Variants in PIK3C3 observed in about 807,000 individuals in gnomAD.
The protein encoded by PIK3C3 is PI3-kinase type 3.
In PIK3C3, 95 loss-of-function variants were observed where a neutral mutation model predicts 126.1. The observed-to-expected ratio is 0.75, with a 90% CI of 0.64 to 0.89. The LOEUF is 0.89. Among genes scored for constraint, PIK3C3 ranks in the 40% least tolerant of loss-of-function variants. The pLI, the probability that PIK3C3 is intolerant of heterozygous loss-of-function variation, is 0.00. For synonymous variants in PIK3C3, 374 were observed against 360.0 expected (o/e 1.04, Z -0.44); for missense variants, 829 against 1,063.2 (o/e 0.78, Z 3.06).
rs189352264 is a variant in PIK3C3, at chr18:42,081,211, A to T, written c.*74A>T. On this transcript the variant is annotated 3_prime_UTR_variant, in exon 25 of 25. Transcript: ENST00000262039. ...TAGGAGCAACCTTTGTATATTGGAG[A>T]CTTCAGAGTAACCAGCAAGGAAGAG... is the stretch of plus-strand genomic sequence containing the variant. The T allele has an allele frequency of 2.3e-4, 207 of 896,622 alleles. No individual in the cohort carries two copies. In the African/African-American group the frequency reaches 3.2e-3, roughly 14 times the overall value. 55.5% of individuals were successfully genotyped at this position (896,622 alleles called of 1,614,324 possible).
intron 24 of PIK3C3, among the ~76,000 whole-genome samples, chr18:42,068,704 A>G (rs1355240570): frequency 6.6e-6 from 1 of 152,106 alleles, no homozygotes; most frequent in African/African-American, 2.4e-5. Context: ...TAATCCCAGC[A>G]CTTTGGGAGG....
In PIK3C3 at chr18:42,082,838, T is replaced by A. The variant is rs1986297934; in HGVS notation, c.*1701T>A. On this transcript the variant is annotated 3_prime_UTR_variant, in exon 25 of 25. Coordinates refer to ENST00000262039, the MANE Select transcript of PIK3C3 (RefSeq NM_002647.4). ...CTAACTGGAAGGCAAAAGTGTATCA[T>A]CTTACTCGTCTTTATAAACTCCACA... The A allele has an allele frequency of 6.6e-6, 1 of 152,228 alleles. No homozygotes were observed. The highest frequency in any genetic ancestry group is 6.5e-5 in the Admixed American group (1 of 15,280). 9.4% of individuals were successfully genotyped at this position (152,228 alleles called of 1,614,324 possible). A position where few individuals can be genotyped will look rare whatever the true frequency, so the allele number is the denominator to read the frequency against.
At chr18:41,994,587 T>G (rs1183774351) in intron 7 of PIK3C3, among the ~76,000 whole-genome samples, 1 of 152,098 alleles carries the variant, frequency 6.6e-6, no homozygotes, top group Non-Finnish European at 1.5e-5. Context: ...CATCCAAGTA[T>G]GCATGGAAAT....
chr18:42,043,893 T>C (rs935741656), intron 20 of PIK3C3, 76 bp downstream of exon 20: 42 of 910,430 alleles, frequency 4.6e-5, no homozygotes, highest in Admixed American at 1.7e-4. Flanking sequence ...CATAATCATA[T>C]ACATTTAGAA....
At chr18:42,023,911 A>C (rs969444753) in intron 13 of PIK3C3, among the ~76,000 whole-genome samples, 2 of 152,150 alleles carry the variant, frequency 1.3e-5, no homozygotes, top group Non-Finnish European at 2.9e-5. Flanking sequence ...CTGTAGCTAA[A>C]TCCTTAGGGG....
intron 10 of PIK3C3, among the ~76,000 whole-genome samples, chr18:42,004,818 G>C (rs1378144208): frequency 6.6e-6 from 1 of 152,154 alleles, no homozygotes; most frequent in Admixed American, 6.5e-5. Context: ...AGCTTGTATT[G>C]CTCTGTCTGG....
chr18:42,005,702 A>G (rs2144385861), intron 10 of PIK3C3, among the ~76,000 whole-genome samples: 1 of 152,282 alleles, frequency 6.6e-6, no homozygotes, highest in South Asian at 2.1e-4. Flanking sequence ...GAGGGAGGGG[A>G]CAGTGAGATC....
chr18:42,028,459 C>T (rs1310279254), intron 14 of PIK3C3, among the ~76,000 whole-genome samples: 1 of 152,222 alleles, frequency 6.6e-6, no homozygotes, highest in Non-Finnish European at 1.5e-5. Flanking sequence ...AAAGCTACCA[C>T]ACATTAATCT....
intron 24 of PIK3C3, among the ~76,000 whole-genome samples, chr18:42,073,004 G>T (rs921117189): frequency 6.0e-4 from 92 of 152,200 alleles, no homozygotes; most frequent in African/African-American, 2.2e-3. Context: ...TTCATTTATG[G>T]TAGTAAAAAT....
intron 13 of PIK3C3, chr18:42,025,372 T>A (rs1411516671): frequency 6.6e-6 from 1 of 152,236 alleles, no homozygotes; most frequent in Non-Finnish European, 1.5e-5. Flanking sequence ...GAACTGCTGT[T>A]TTTTGTTTTA....
chr18:41,992,659 A>G (rs1981834544), intron 6 of PIK3C3, among the ~76,000 whole-genome samples: 1 of 152,198 alleles, frequency 6.6e-6, no homozygotes, highest in Non-Finnish European at 1.5e-5. Flanking sequence ...CCAACAAAAT[A>G]GGATGGCTTT....
At chr18:41,989,043 G>A (rs1208087706) in intron 5 of PIK3C3, among the ~76,000 whole-genome samples, 1 of 151,988 alleles carries the variant, frequency 6.6e-6, no homozygotes, top group African/African-American at 2.4e-5. Flanking sequence ...TAAAGCTGAA[G>A]AATTTAAGTA....
chr18:41,997,910 A>G (rs575728102), intron 9 of PIK3C3, among the ~76,000 whole-genome samples: 4 of 152,180 alleles, frequency 2.6e-5, no homozygotes, highest in Non-Finnish European at 5.9e-5. Flanking sequence ...ACACCCTGAA[A>G]TGCATTAGAG....
At chr18:42,023,464 T>G (rs1042793025) in intron 13 of PIK3C3, among the ~76,000 whole-genome samples, 1 of 152,254 alleles carries the variant, frequency 6.6e-6, no homozygotes, top group African/African-American at 2.4e-5. Flanking sequence ...CTTATAAACA[T>G]TCAATCAAAC....
intron 24 of PIK3C3, among the ~76,000 whole-genome samples, chr18:42,076,089 CATATATATATATAT>C (rs71174077): frequency 0.016 from 868 of 54,610 alleles, 47 homozygotes; most frequent in African/African-American, 0.043. Flanking sequence ...CTTTACCTTG[CATATATATATATAT>C]ATATATATAT....
At chr18:42,037,889 C>G in intron 17 of PIK3C3, 69 bp downstream of exon 17, 1 of 1,381,728 alleles carries the variant, frequency 7.2e-7, no homozygotes, top group Non-Finnish European at 1.0e-6. Context: ...AGTTCATTTG[C>G]TGTTTATGGA....
intron 9 of PIK3C3, among the ~76,000 whole-genome samples, chr18:41,997,459 C>A (rs1982082164): frequency 6.6e-6 from 1 of 151,982 alleles, no homozygotes; most frequent in Non-Finnish European, 1.5e-5. Flanking sequence ...TTACTGTTGC[C>A]CCTAAGAAGC....
At chr18:42,010,453 C>T (rs1982770791) in intron 10 of PIK3C3, among the ~76,000 whole-genome samples, 1 of 152,130 alleles carries the variant, frequency 6.6e-6, no homozygotes, top group South Asian at 2.1e-4. Context: ...GCAACCTCTG[C>T]CTCCTGGGTT....
intron 24 of PIK3C3, among the ~76,000 whole-genome samples, chr18:42,079,187 G>A (rs145387313): frequency 3.0e-4 from 45 of 152,246 alleles, no homozygotes; most frequent in African/African-American, 8.9e-4. Context: ...AGAGATATGC[G>A]ACTCTTCCCT....
Sources: allele counts gnomAD v4.1 joint callset (sites outside exome capture counted in the v4.1 genomes callset), GRCh38; gene constraint gnomAD v4.1.1; transcripts MANE v1.5; gene names NCBI Gene and HGNC (gene_info 2026-07-23, HGNC 2026-07-21).